CSF1R: variants seen among roughly 807,000 people sequenced by gnomAD.
The protein encoded by CSF1R is colony stimulating factor 1 receptor, also known as macrophage colony-stimulating factor 1 receptor.
In CSF1R, 40 loss-of-function variants were observed where a neutral mutation model predicts 110.0. The observed-to-expected ratio is 0.36, with a 90% CI of 0.28 to 0.47. CSF1R has a LOEUF of 0.47. CSF1R is among the 20% of genes least tolerant of loss of function. The pLI is 0.99. For synonymous variants in CSF1R, 523 were observed against 503.4 expected, an observed-to-expected ratio of 1.04 and a Z score of -0.52; for missense variants, 1,052 against 1,253.0, an observed-to-expected ratio of 0.84 and a Z score of 2.42.
At chr5:150,092,236 A>G (rs1208858788) in intron 1 of CSF1R, among the ~76,000 whole-genome samples, 1 of 152,250 alleles carries the variant, frequency 6.6e-6, no homozygotes, top group Non-Finnish European at 1.5e-5. Context: ...TCCACAGGCT[A>G]TAGTTTGCCA....
chr5:150,086,625 A>G (rs1405437158), upstream of CSF1R: 4 of 538,512 alleles, frequency 7.4e-6, no homozygotes, highest in Non-Finnish European at 1.3e-5. Flanking sequence ...AGGCAACCAC[A>G]GAGTTTGGAA....
chr5:150,112,089 A>T (rs150652888), intron 1 of CSF1R, among the ~76,000 whole-genome samples: 419 of 150,050 alleles, frequency 2.8e-3, no homozygotes, highest in Non-Finnish European at 4.8e-3. Context: ...GGAAAATGTA[A>T]TTGTGTTACC....
At chr5:150,066,868 C>T (rs1757797262) in intron 10 of CSF1R, among the ~76,000 whole-genome samples, 1 of 152,164 alleles carries the variant, frequency 6.6e-6, no homozygotes, top group African/African-American at 2.4e-5. Flanking sequence ...ACCCCCAACC[C>T]CACCCTGGTC....
At chr5:150,072,819 G>A (rs1382868490) in intron 6 of CSF1R, among the ~76,000 whole-genome samples, 1 of 152,212 alleles carries the variant, frequency 6.6e-6, no homozygotes, top group East Asian at 1.9e-4. Flanking sequence ...GGGGCTGGGT[G>A]ATCACAATCC....
intron 13 of CSF1R, 28 bp from the exon 14 acceptor site, chr5:150,059,890 G>A (rs761671875): frequency 6.3e-7 from 1 of 1,591,348 alleles, no homozygotes; most frequent in East Asian, 2.3e-5. Flanking sequence ...GTGGGGTGAG[G>A]GAGGTGCTGA....
Position 150,057,363 on chromosome 5 carries a change from C to T in CSF1R, c.2243G>A (p.Arg748Gln), listed in dbSNP as rs755412466. 24 of 1,613,928 alleles carry T rather than the reference C, an allele frequency of 1.5e-5. No homozygotes were observed. The highest frequency in any genetic ancestry group is 8.8e-5 in the South Asian group (8 of 91,068). ...AAGCAGGTCCCGGAGCTCCAGGGGC[C>T]GTCCATCCTCCTTGTCCAGGTCTAG... ...SEQDLDKEDG[R>Q]PLELRDLLHF... is the part of the protein sequence containing the mutation. The change falls in exon 16 of 21, where the codon CGG (arginine) becomes CAG (glutamine). Residue 748 changes from arginine (R) to glutamine (Q), a missense_variant. Physicochemically the swap from Arg to Gln is conservative, Grantham distance 43. Transcript: ENST00000675795.
rs140463455 is a variant in CSF1R, at chr5:150,055,093, G to C, written c.2654+144C>G. ...ATCCCCCATAGCTTGAACTCAAAAG[G>C]GGCTTGTTGTGTCCACTATGGGAGA... On this transcript the variant is annotated intron_variant, in intron 19 of 20. Coordinates refer to ENST00000675795, the MANE Select transcript of CSF1R (RefSeq NM_001288705.3). 1.8e-5 allele frequency: 12 copies of C among 675,874 alleles called. No homozygotes were observed. In the Middle Eastern group the frequency reaches 1.2e-3, roughly 69 times the overall value. The allele number at this position is 675,874 out of a possible 1,614,324, so 41.9% of individuals were successfully genotyped here.
chr5:150,064,175 G>A (rs1757654299), intron 10 of CSF1R, among the ~76,000 whole-genome samples: 4 of 152,188 alleles, frequency 2.6e-5, no homozygotes, highest in South Asian at 2.1e-4. Context: ...GGAAGCGGGC[G>A]AGGGTTGAAA....
intron 1 of CSF1R, among the ~76,000 whole-genome samples, chr5:150,111,678 AG>A (rs1189425932): frequency 6.6e-6 from 1 of 152,202 alleles, no homozygotes; most frequent in Non-Finnish European, 1.5e-5. Flanking sequence ...CTTGGGAGTC[AG>A]TCTGACCTGG....
At chr5:150,084,353 A>G in intron 1 of CSF1R, among the ~76,000 whole-genome samples, 2 of 35,062 alleles carry the variant, frequency 5.7e-5, no homozygotes, top group Admixed American at 2.6e-4. Flanking sequence ...AAAAGAAAGA[A>G]AGAAAGAAAG....
At chr5:150,094,913 A>G in intron 1 of CSF1R, 1 of 1,257,274 alleles carries the variant, frequency 8.0e-7, no homozygotes, top group Non-Finnish European at 1.1e-6. Context: ...TCAAAGAGGC[A>G]AATAACTTCC....
upstream of CSF1R, among the ~76,000 whole-genome samples, chr5:150,090,807 C>T (rs1192461667): frequency 1.3e-5 from 2 of 152,058 alleles, no homozygotes; most frequent in Admixed American, 1.3e-4. Context: ...AAAGAATAGA[C>T]TCCAAAAGTG....
chr5:150,082,321 A>T (rs990117067), intron 1 of CSF1R, among the ~76,000 whole-genome samples: 8 of 152,322 alleles, frequency 5.3e-5, no homozygotes, highest in Middle Eastern at 3.4e-3. Flanking sequence ...CCCCTGCCCC[A>T]CCATAGAGCC....
chr5:150,057,173 TCTC>T lies in CSF1R; in HGVS notation c.2319+111_2319+113del, dbSNP rs1757256386. The stretch of plus-strand genomic sequence containing the variant: ...GCCCAAATGACTCTCTCATACTCTG[TCTC>T]CTCCCCTACCCCCTCACAGGCTCCC... On this transcript the variant is annotated intron_variant, in intron 16 of 20. Transcript: ENST00000675795. The T allele has an allele frequency of 4.8e-6, 4 of 834,572 alleles. No individual in the cohort carries two copies. In the African/African-American group the frequency reaches 6.7e-5, roughly 14 times the overall value. The allele number at this position is 834,572 out of a possible 1,614,324, so 51.7% of individuals were successfully genotyped here. A position where few individuals can be genotyped will look rare whatever the true frequency, so the allele number is the denominator to read the frequency against.
intron 1 of CSF1R, among the ~76,000 whole-genome samples, chr5:150,085,844 C>T (rs1758818812): frequency 1.3e-5 from 2 of 151,902 alleles, no homozygotes; most frequent in South Asian, 4.2e-4. Flanking sequence ...GGCAGAGCTG[C>T]CAGAGCCATC....
In CSF1R at chr5:150,061,509, C is replaced by T. The variant is rs2113791883; in HGVS notation, c.1840G>A (p.Ala614Thr). 1 of 1,611,030 alleles carries T rather than the reference C, an allele frequency of 6.2e-7. No individual in the cohort carries two copies. The highest frequency in any genetic ancestry group is 8.5e-7 in the Non-Finnish European group (1 of 1,178,658). Residue 614 changes from alanine to threonine, a missense_variant, in exon 12 of 21, where the codon GCT becomes ACT. Physicochemically the swap from Ala to Thr is moderately conservative, Grantham distance 58. This residue lies in a region of CSF1R where 76 missense variants were observed against 133.6 expected (regional missense o/e 0.57). Coordinates refer to ENST00000675795, the MANE Select transcript of CSF1R (RefSeq NM_001288705.3). ...LGKEDAVLKVAVKMLKSTAHA... is the reference protein window; with the variant it reads ...LGKEDAVLKVTVKMLKSTAHA... ...CACTCACACTTCAGCATCTTCACAG[C>T]CACCTTCAGGACAGCATCCTCCTTG...
rs770703892 is a variant in CSF1R, at chr5:150,070,172, G to A, written c.1319+10C>T. On this transcript the variant is annotated intron_variant, in intron 8 of 20. Transcript: ENST00000675795. ...AGCCCAGGTGAGGGAGGTGAGTGGA[G>A]CCCACTTACCTATCAGTGTGGCCAC... 3.1e-6 allele frequency: 5 copies of A among 1,612,866 alleles called. No homozygotes were observed. The South Asian group carries it at 5.5e-5, about 18-fold the overall frequency.
chr5:150,080,733 T>A (rs777886111), intron 2 of CSF1R, 34 bp downstream of exon 2: 12 of 1,612,262 alleles, frequency 7.4e-6, no homozygotes, highest in Non-Finnish European at 1.7e-6. Flanking sequence ...GCCTGCCGGG[T>A]CAGGCCTCTT....
chr5:150,101,469 G>A lies in CSF1R; in HGVS notation c.-181+11792C>T, dbSNP rs74850726. Among the ~76,000 whole-genome samples the A allele has an allele frequency of 0.018, 2,771 of 152,256 alleles. 215 individuals carry two copies. In the East Asian group the frequency reaches 0.26, roughly 15 times the overall value. ...AGCTAACTGATAGAGTGAGCTAAGGGAAGAGGTAGGCCTGGGAAGGTTGGA... is the reference window on the plus strand; with the variant it reads ...AGCTAACTGATAGAGTGAGCTAAGGAAAGAGGTAGGCCTGGGAAGGTTGGA... On this transcript the variant is annotated intron_variant, in intron 1 of 21. Transcript: ENST00000286301.
Sources: allele counts gnomAD v4.1 joint callset (sites outside exome capture counted in the v4.1 genomes callset), GRCh38; gene constraint gnomAD v4.1.1; regional missense constraint gnomAD v4.1.1; transcripts MANE v1.5; gene names NCBI Gene and HGNC (gene_info 2026-07-23, HGNC 2026-07-21).